The following LRRC20 variants were observed in gnomAD, a reference collection of about 807,000 sequenced individuals.
LRRC20 encodes leucine-rich repeat-containing protein 20.
In LRRC20, 11 loss-of-function variants were observed where a neutral mutation model predicts 14.4. That is an observed-to-expected ratio of 0.77 (90% CI 0.48 to 1.27). LRRC20 has a LOEUF of 1.27. Ranked by LOEUF, LRRC20 falls within the 50% of genes most tolerant of loss-of-function variation. The pLI is 0.00. For missense variants in LRRC20, 219 were observed against 251.2 expected, an observed-to-expected ratio of 0.87 and a Z score of 0.87; for synonymous variants, 121 against 107.3, an observed-to-expected ratio of 1.13 and a Z score of -0.79.
At chr10:70,362,524 C>T (rs1221479076) in intron 2 of LRRC20, among the ~76,000 whole-genome samples, 1 of 152,248 alleles carries the variant, frequency 6.6e-6, no homozygotes, top group Non-Finnish European at 1.5e-5. Context: ...CAGATGAGAA[C>T]TGGGCCCTGC....
At chr10:70,323,162 C>T (rs950113680) in intron 4 of LRRC20, among the ~76,000 whole-genome samples, 14 of 152,054 alleles carry the variant, frequency 9.2e-5, no homozygotes, top group African/African-American at 3.1e-4. Context: ...GAGGGGAGGG[C>T]ACACAGAGAC....
chr10:70,335,491 G>T (rs1388705581), intron 3 of LRRC20, among the ~76,000 whole-genome samples: 1 of 152,236 alleles, frequency 6.6e-6, no homozygotes, highest in East Asian at 1.9e-4. Flanking sequence ...CCAGGCCCAG[G>T]CTCTTGAGAT....
At chr10:70,372,941 A>T (rs1355721444) in intron 2 of LRRC20, among the ~76,000 whole-genome samples, 5 of 212 alleles carry the variant, frequency 0.024, no homozygotes, top group African/African-American at 0.028. Flanking sequence ...CATCTCTACT[A>T]AAAAAAAAAA....
chr10:70,381,261 A>G (rs958391255), intron 1 of LRRC20, among the ~76,000 whole-genome samples: 1 of 152,246 alleles, frequency 6.6e-6, no homozygotes, highest in East Asian at 1.9e-4. Flanking sequence ...GAACCATTAC[A>G]TGTTTCCCAC....
intron 2 of LRRC20, among the ~76,000 whole-genome samples, chr10:70,372,839 A>ATTATATAG (rs1844355584): frequency 6.6e-6 from 1 of 151,994 alleles, no homozygotes; most frequent in Non-Finnish European, 1.5e-5. Context: ...GTGGTGGCTC[A>ATTATATAG]TGCCTATAAT....
chr10:70,349,726 A>G (rs10762368), intron 2 of LRRC20, among the ~76,000 whole-genome samples: 62,419 of 152,090 alleles, frequency 0.41, 13,049 homozygotes, highest in East Asian at 0.58. Context: ...AATGAGGCAC[A>G]TGTTGATAGG....
intron 1 of LRRC20, among the ~76,000 whole-genome samples, chr10:70,378,874 A>T (rs976791526): frequency 2.6e-5 from 4 of 151,852 alleles, no homozygotes; most frequent in Admixed American, 2.6e-4. Context: ...TGAACCCAGG[A>T]GGCGGAGGTT....
Position 70,301,649 on chromosome 10 carries a change from T to G in LRRC20, c.401-141A>C, listed in dbSNP as rs554188345. On this transcript the variant is annotated intron_variant, in intron 4 of 4. Coordinates refer to ENST00000446961, the MANE Select transcript of LRRC20 (RefSeq NM_001278212.2). ...CACTGCACGTGGGCTCAGCTCCTGGTGCCCAGCCCTGTGCAAAGGGCCATC... is the reference window on the plus strand; with the variant it reads ...CACTGCACGTGGGCTCAGCTCCTGGGGCCCAGCCCTGTGCAAAGGGCCATC... 19 of 972,964 alleles carry G rather than the reference T, an allele frequency of 2.0e-5. No homozygotes were observed. In the East Asian group the frequency reaches 2.8e-4, roughly 14 times the overall value. 60.3% of individuals were successfully genotyped at this position (972,964 alleles called of 1,614,324 possible).
At chr10:70,317,552 A>AT (rs1841908910) in intron 4 of LRRC20, among the ~76,000 whole-genome samples, 1 of 151,760 alleles carries the variant, frequency 6.6e-6, no homozygotes, top group Non-Finnish European at 1.5e-5. Flanking sequence ...TTTTTTAAAA[A>AT]TTTTTTGTAG....
At position 70,301,497 on chromosome 10, in the gene LRRC20, C is replaced by T. The variant is rs778116690; in HGVS notation, c.412G>A (p.Glu138Lys). The T allele has an allele frequency of 6.2e-7, 1 of 1,613,956 alleles. No homozygotes were observed. The highest frequency in any genetic ancestry group is 2.2e-5 in the East Asian group (1 of 44,886). Residue 138 changes from glutamate to lysine, a missense_variant, in exon 5 of 5, where the codon GAG (glutamate) becomes AAG (lysine). By Grantham distance (56) the Glu-to-Lys change is moderately conservative. Transcript: ENST00000446961. ...EENEIVDVPV[E>K]KLAAMPALRS... ...AAGGCTGGCATGGCGGCCAGCTTCT[C>T]CACGGGCACATCTATTGGGGACAGA...
intron 2 of LRRC20, among the ~76,000 whole-genome samples, chr10:70,360,121 G>A (rs972587064): frequency 3.3e-5 from 5 of 151,916 alleles, no homozygotes; most frequent in Admixed American, 2.6e-4. Flanking sequence ...TCACCATCTT[G>A]GCCAGGCTGG....
chr10:70,325,014 G>T (rs980063204), intron 3 of LRRC20, among the ~76,000 whole-genome samples: 3 of 152,188 alleles, frequency 2.0e-5, no homozygotes, highest in African/African-American at 7.2e-5. Context: ...AGAGGTAGAG[G>T]TGAGGCCCCA....
At chr10:70,373,818 T>G (rs1329545726) in intron 2 of LRRC20, among the ~76,000 whole-genome samples, 1 of 152,144 alleles carries the variant, frequency 6.6e-6, no homozygotes, top group Non-Finnish European at 1.5e-5. Flanking sequence ...AAATCAAGGT[T>G]CCAATCCCAG....
chr10:70,326,646 A>T (rs1842333800), intron 3 of LRRC20, among the ~76,000 whole-genome samples: 1 of 152,118 alleles, frequency 6.6e-6, no homozygotes, highest in East Asian at 1.9e-4. Flanking sequence ...GCCACACCTT[A>T]AACCACAGAA....
Position 70,301,096 on chromosome 10 carries a change from G to A in LRRC20, c.*258C>T, listed in dbSNP as rs1841161002. ...AAGTGACAAGGCTCAGAGAGGGCAG[G>A]AGATCTGCCTGAGTTTGCACAGCAG... On this transcript the variant is annotated 3_prime_UTR_variant, in exon 5 of 5. Transcript: ENST00000446961. The A allele has an allele frequency of 5.4e-6, 7 of 1,298,574 alleles. No individual in the cohort carries two copies. The South Asian group carries it at 6.9e-5, about 13-fold the overall frequency. The allele number at this position is 1,298,574 out of a possible 1,614,324, so 80.4% of individuals were successfully genotyped here. A position where few individuals can be genotyped will look rare whatever the true frequency, so the allele number is the denominator to read the frequency against.
chr10:70,363,565 G>C (rs1282080297), intron 2 of LRRC20, among the ~76,000 whole-genome samples: 1 of 152,196 alleles, frequency 6.6e-6, no homozygotes, highest in East Asian at 1.9e-4. Flanking sequence ...CAAGTGGGTA[G>C]AGGCTAGGAT....
chr10:70,302,859 C>T (rs10999254), intron 4 of LRRC20, among the ~76,000 whole-genome samples: 48,272 of 151,582 alleles, frequency 0.32, 7,981 homozygotes, highest in East Asian at 0.5. Context: ...TACAGGCGCG[C>T]GCCACCATGC....
intron 4 of LRRC20, among the ~76,000 whole-genome samples, chr10:70,313,745 C>G (rs986171475): frequency 4.6e-5 from 7 of 152,112 alleles, no homozygotes; most frequent in African/African-American, 1.7e-4. Flanking sequence ...GTCATGTAGC[C>G]AGGGATCACA....
intron 2 of LRRC20, among the ~76,000 whole-genome samples, chr10:70,352,875 G>A (rs773785999): frequency 7.2e-5 from 11 of 152,064 alleles, no homozygotes; most frequent in Admixed American, 2.0e-4. Flanking sequence ...TGCATCTTGC[G>A]AAACGGAAAC....
Sources: allele counts gnomAD v4.1 joint callset (sites outside exome capture counted in the v4.1 genomes callset), GRCh38; gene constraint gnomAD v4.1.1; transcripts MANE v1.5; gene names NCBI Gene and HGNC (gene_info 2026-07-23, HGNC 2026-07-21).